Variants in RBPMS observed in about 807,000 individuals in gnomAD.
RBPMS encodes the protein RNA binding protein, mRNA processing factor, also known as RNA-binding protein with multiple splicing.
A neutral mutation model predicts 26.8 loss-of-function variants in RBPMS; 7 were observed. The ratio of observed to expected loss-of-function variants is 0.26; its 90% CI spans 0.15 to 0.49. RBPMS has a LOEUF of 0.49. Among genes scored for constraint, RBPMS ranks in the 20% least tolerant of loss-of-function variants. The probability of loss-of-function intolerance (pLI) is 0.98; values close to 1 mark genes in which losing one functional copy is unlikely to be tolerated. For missense variants in RBPMS, 186 were observed against 250.0 expected (o/e 0.74, Z 1.73); for synonymous variants, 96 against 93.3 (o/e 1.03, Z -0.17).
Position 30,511,452 on chromosome 8 carries a change from T to G in RBPMS, c.397+7016T>G, listed in dbSNP as rs547696952. The stretch of plus-strand genomic sequence containing the variant: ...ACCTGGGCAACATGGCAAAACCCCA[T>G]CTCTTTAAAACAAAAAAAGAAAAAA... On this transcript the variant is annotated intron_variant, in intron 5 of 8. Transcript: ENST00000397323. Among the ~76,000 whole-genome samples, 4 of 123,040 alleles carry G rather than the reference T, an allele frequency of 3.3e-5. No individual in the cohort carries two copies. The South Asian group carries it at 1.1e-3, about 33-fold the overall frequency. 80.7% of individuals were successfully genotyped at this position (123,040 alleles called of 152,430 possible).
chr8:30,540,757 C>T (rs1335138690), intron 5 of RBPMS, among the ~76,000 whole-genome samples: 1 of 152,168 alleles, frequency 6.6e-6, no homozygotes, highest in Non-Finnish European at 1.5e-5. Context: ...GTTGTCTTGA[C>T]TTGAGTGTGG....
Position 30,479,345 on chromosome 8 carries a change from T to C in RBPMS, c.214T>C (p.Ser72Pro). 1 of 1,605,592 alleles carries C rather than the reference T, an allele frequency of 6.2e-7. No individual in the cohort carries two copies. The highest frequency in any genetic ancestry group is 8.5e-7 in the Non-Finnish European group (1 of 1,177,820). Residue 72 changes from serine (S) to proline (P), a missense_variant, in exon 4 of 9, where the codon TCA becomes CCA. By Grantham distance (74) the Ser-to-Pro change is moderately conservative. This residue lies in a region of RBPMS where 50 missense variants were observed against 108.5 expected (regional missense o/e 0.46). Transcript: ENST00000397323. ...AGGTTTTGTCAGTTTTGACAGTCGC[T>C]CAGAAGCAGAGGCTGCAAAGAATGC... ...PVGFVSFDSR[S>P]EAEAAKNALN...
chr8:30,508,113 A>C (rs976045745), intron 5 of RBPMS, among the ~76,000 whole-genome samples: 28 of 152,174 alleles, frequency 1.8e-4, no homozygotes, highest in African/African-American at 6.5e-4. Context: ...GCCCTAATCC[A>C]TTATGACTGC....
intron 5 of RBPMS, among the ~76,000 whole-genome samples, chr8:30,539,305 T>A (rs1405727387): frequency 6.6e-6 from 1 of 152,182 alleles, no homozygotes; most frequent in Non-Finnish European, 1.5e-5. Flanking sequence ...AAAGACCACC[T>A]GCTTTCCAGG....
At chr8:30,556,403 G>C in intron 6 of RBPMS, 1 of 985,854 alleles carries the variant, frequency 1.0e-6, no homozygotes. Context: ...GGCTGTGTGC[G>C]AGAGCTGGTC....
At chr8:30,441,943 C>A (rs1430953760) in intron 1 of RBPMS, among the ~76,000 whole-genome samples, 1 of 152,156 alleles carries the variant, frequency 6.6e-6, no homozygotes, top group East Asian at 1.9e-4. Context: ...GCGTGTGCCA[C>A]CAGGTCCAGC....
intron 1 of RBPMS, among the ~76,000 whole-genome samples, chr8:30,462,343 A>G (rs1200700512): frequency 6.6e-6 from 1 of 152,230 alleles, no homozygotes; most frequent in Non-Finnish European, 1.5e-5. Context: ...TAAAGTAGCT[A>G]AAATACCATA....
At chr8:30,489,590 G>A (rs979793251) in intron 4 of RBPMS, among the ~76,000 whole-genome samples, 8 of 151,856 alleles carry the variant, frequency 5.3e-5, no homozygotes, top group African/African-American at 9.7e-5. Flanking sequence ...GATTACAGGC[G>A]CGCGCCGCCA....
Position 30,385,050 on chromosome 8 carries a change from C to G in RBPMS, c.-43C>G. 2 of 1,460,768 alleles carry G rather than the reference C, an allele frequency of 1.4e-6. No homozygotes were observed. The allele number at this position is 1,460,768 out of a possible 1,614,324, so 90.5% of individuals were successfully genotyped here. ...GGGCTAGCGCGCCCTCGCCCAGCCC[C>G]GCGCCCCAGCCCTGCCCGGCCCGGC... is the stretch of plus-strand genomic sequence containing the variant. On this transcript the variant is annotated 5_prime_UTR_variant, in exon 1 of 9. Coordinates refer to ENST00000397323, the MANE Select transcript of RBPMS (RefSeq NM_001008710.3).
At chr8:30,510,564 C>G (rs1377137574) in intron 5 of RBPMS, among the ~76,000 whole-genome samples, 1 of 151,766 alleles carries the variant, frequency 6.6e-6, no homozygotes, top group Non-Finnish European at 1.5e-5. Flanking sequence ...TCCTGCCCTT[C>G]AACATTGCCT....
chr8:30,526,583 C>T (rs1322270816), intron 5 of RBPMS, among the ~76,000 whole-genome samples: 1 of 152,192 alleles, frequency 6.6e-6, no homozygotes, highest in Non-Finnish European at 1.5e-5. Context: ...GAAGCACACA[C>T]AGCCTGGAGA....
chr8:30,435,204 TA>T (rs1179493815), intron 1 of RBPMS, among the ~76,000 whole-genome samples: 5 of 152,164 alleles, frequency 3.3e-5, no homozygotes, highest in African/African-American at 4.8e-5. Context: ...CACAATTACT[TA>T]AAATATTATA....
At chr8:30,513,362 G>C (rs533345192) in intron 5 of RBPMS, among the ~76,000 whole-genome samples, 1 of 152,158 alleles carries the variant, frequency 6.6e-6, no homozygotes, top group South Asian at 2.1e-4. Context: ...GGCCGAGGCA[G>C]GTGGATCATG....
intron 5 of RBPMS, among the ~76,000 whole-genome samples, chr8:30,511,691 GT>G (rs1206599740): frequency 1.3e-5 from 2 of 150,582 alleles, no homozygotes; most frequent in Non-Finnish European, 3.0e-5. Context: ...GGGCATGATG[GT>G]GTGCGCCTGT....
chr8:30,536,618 GTTT>G (rs1220469444), intron 5 of RBPMS, among the ~76,000 whole-genome samples: 6 of 152,028 alleles, frequency 3.9e-5, no homozygotes, highest in African/African-American at 4.8e-5. Context: ...CTAAAACACT[GTTT>G]TTGTTTGTTT....
chr8:30,416,295 T>C (rs1810058950), intron 1 of RBPMS, among the ~76,000 whole-genome samples: 1 of 152,184 alleles, frequency 6.6e-6, no homozygotes, highest in Non-Finnish European at 1.5e-5. Context: ...TCCTACCCTC[T>C]TGGTGATTTT....
rs889522130 is a variant in RBPMS, at chr8:30,409,832, C to A, written c.66+24674C>A. Among the ~76,000 whole-genome samples, 20 of 151,964 alleles carry A rather than the reference C, an allele frequency of 1.3e-4. No individual in the cohort carries two copies. The South Asian group carries it at 2.5e-3, about 19-fold the overall frequency. On this transcript the variant is annotated intron_variant, in intron 1 of 8. Coordinates refer to ENST00000397323, the MANE Select transcript of RBPMS (RefSeq NM_001008710.3). ...AGTTTTAGTAGAGACGGGGTTTCACCACGTTGGCCAGGCTGGTCTCGATCT... is the reference window on the plus strand; with the variant it reads ...AGTTTTAGTAGAGACGGGGTTTCACAACGTTGGCCAGGCTGGTCTCGATCT...
chr8:30,552,597 C>T (rs1301127704), intron 6 of RBPMS: 1 of 152,208 alleles, frequency 6.6e-6, no homozygotes, highest in Non-Finnish European at 1.5e-5. Flanking sequence ...AATTAACAGA[C>T]TGACAGAATT....
chr8:30,549,385 T>C (rs1826111665), intron 6 of RBPMS: 1 of 847,626 alleles, frequency 1.2e-6, no homozygotes. Flanking sequence ...AACGACAGCT[T>C]TGAAGGACTG....
Sources: allele counts gnomAD v4.1 joint callset (sites outside exome capture counted in the v4.1 genomes callset), GRCh38; gene constraint gnomAD v4.1.1; regional missense constraint gnomAD v4.1.1; transcripts MANE v1.5; gene names NCBI Gene and HGNC (gene_info 2026-07-23, HGNC 2026-07-21).